The following REEP5 variants were observed in gnomAD, a reference collection of about 807,000 sequenced individuals.
REEP5 encodes the protein receptor expression-enhancing protein 5.
REEP5 carries 24 observed loss-of-function variants against 22.4 expected under a neutral mutation model. The ratio of observed to expected loss-of-function variants is 1.07; its 90% CI spans 0.78 to 1.51. REEP5 has a LOEUF of 1.51. Among genes scored for constraint, REEP5 ranks in the 40% most tolerant of loss-of-function variants. REEP5 has a pLI of 0.00. For synonymous variants in REEP5, 103 were observed against 88.6 expected (o/e 1.16, Z -0.92); for missense variants, 252 against 233.0 (o/e 1.08, Z -0.53).
intron 3 of REEP5, chr5:112,892,467 T>A: frequency 6.2e-7 from 1 of 1,614,148 alleles, no homozygotes; most frequent in Non-Finnish European, 8.5e-7. Context: ...GCAATGTATA[T>A]GTTCAGTACC....
intron 3 of REEP5, among the ~76,000 whole-genome samples, chr5:112,902,142 C>G (rs1452809182): frequency 6.6e-6 from 1 of 151,952 alleles, no homozygotes; most frequent in East Asian, 1.9e-4. Flanking sequence ...AAAAGAGTAG[C>G]CAGGTGCAGT....
rs1466487435 is a variant in REEP5, at chr5:112,909,310, T to TGAGA, written c.213-6793_213-6792insTCTC. Among the ~76,000 whole-genome samples the TGAGA allele has an allele frequency of 3.3e-5, 5 of 150,726 alleles. No individual in the cohort carries two copies. The South Asian group carries it at 1.1e-3, about 32-fold the overall frequency. ...ATATATGTAAAGCACTAAGAAAGTC[T>TGAGA]CAGTAAATACTCCCTTAACAGGTAT... On this transcript the variant is annotated intron_variant, in intron 2 of 4. Transcript: ENST00000379638.
intron 3 of REEP5, among the ~76,000 whole-genome samples, chr5:112,900,725 C>G (rs986892349): frequency 2.6e-5 from 4 of 152,092 alleles, no homozygotes; most frequent in Non-Finnish European, 5.9e-5. Flanking sequence ...CCAGAACTTA[C>G]TAGTACTAGC....
At chr5:112,912,586 T>C (rs1186329503) in intron 2 of REEP5, among the ~76,000 whole-genome samples, 2 of 152,210 alleles carry the variant, frequency 1.3e-5, no homozygotes, top group African/African-American at 2.4e-5. Flanking sequence ...TGGTAACTTA[T>C]GTTTAATAGC....
intron 3 of REEP5, among the ~76,000 whole-genome samples, chr5:112,901,165 C>T (rs1014613837): frequency 1.3e-5 from 2 of 152,046 alleles, no homozygotes; most frequent in African/African-American, 4.8e-5. Flanking sequence ...AGAAAAACAA[C>T]ACAATCAACT....
At chr5:112,887,304 T>C (rs1768287310) in intron 3 of REEP5, 121 bp from the exon 4 acceptor site, 2 of 922,268 alleles carry the variant, frequency 2.2e-6, no homozygotes, top group Non-Finnish European at 2.9e-6. Context: ...CCCAAAGGCA[T>C]TACCAGTGTT....
chr5:112,903,015 A>G (rs1002782737), intron 2 of REEP5, among the ~76,000 whole-genome samples: 1 of 152,222 alleles, frequency 6.6e-6, no homozygotes, highest in African/African-American at 2.4e-5. Context: ...ATTTTATAGT[A>G]AACGGGTGAA....
intron 4 of REEP5, among the ~76,000 whole-genome samples, chr5:112,883,202 A>G (rs1768130543): frequency 6.6e-6 from 1 of 152,230 alleles, no homozygotes; most frequent in South Asian, 2.1e-4. Flanking sequence ...TCTCCTTTGC[A>G]GGAAATTTCT....
intron 2 of REEP5, among the ~76,000 whole-genome samples, chr5:112,914,227 A>G (rs557565874): frequency 2.0e-5 from 3 of 150,884 alleles, no homozygotes; most frequent in African/African-American, 7.3e-5. Context: ...GGTTCAAGCA[A>G]TTCTCCTTCC....
intron 3 of REEP5, chr5:112,896,981 T>C (rs1768699460): frequency 6.6e-6 from 1 of 152,138 alleles, no homozygotes; most frequent in African/African-American, 2.4e-5. Flanking sequence ...AAACAGAGGA[T>C]ACAAAGATAT....
chr5:112,878,856 A>C (rs1423494292), intron 4 of REEP5, 21 bp from the exon 5 acceptor site: 1 of 1,613,932 alleles, frequency 6.2e-7, no homozygotes, highest in Non-Finnish European at 8.5e-7. Flanking sequence ...GTTAGGAGGG[A>C]AAGAAAAATA....
chr5:112,889,788 C>A (rs1356805526), intron 3 of REEP5, among the ~76,000 whole-genome samples: 1 of 149,534 alleles, frequency 6.7e-6, no homozygotes, highest in Non-Finnish European at 1.5e-5. Flanking sequence ...TTGAGACTAG[C>A]CTGTGTAACA....
chr5:112,891,517 AAAC>A, intron 3 of REEP5: 2 of 1,397,972 alleles, frequency 1.4e-6, no homozygotes, highest in Non-Finnish European at 2.0e-6. Context: ...TATGCAAACA[AAAC>A]AATACTAGAA....
chr5:112,918,562 T>C (rs931589837), intron 2 of REEP5, among the ~76,000 whole-genome samples: 9 of 152,170 alleles, frequency 5.9e-5, no homozygotes, highest in African/African-American at 2.2e-4. Flanking sequence ...GGAAGTAAAT[T>C]ACTGGCAATA....
At chr5:112,916,529 T>A (rs2150048489) in intron 2 of REEP5, among the ~76,000 whole-genome samples, 1 of 152,354 alleles carries the variant, frequency 6.6e-6, no homozygotes, top group East Asian at 1.9e-4. Context: ...ACACAGTCAA[T>A]GCCTATGTGT....
chr5:112,883,033 C>T (rs1351269887), intron 4 of REEP5, among the ~76,000 whole-genome samples: 1 of 152,226 alleles, frequency 6.6e-6, no homozygotes, highest in African/African-American at 2.4e-5. Flanking sequence ...AAGGACAGAG[C>T]TCCAACAATT....
chr5:112,921,429 T>A, intron 1 of REEP5, 173 bp from the exon 2 acceptor site: 1 of 655,204 alleles, frequency 1.5e-6, no homozygotes, highest in Non-Finnish European at 2.7e-6. Flanking sequence ...CGCTGGGCTA[T>A]GCCTTGAAGT....
At chr5:112,885,161 C>A in intron 4 of REEP5, 1 of 170,666 alleles carries the variant, frequency 5.9e-6, no homozygotes, top group South Asian at 1.2e-4. Context: ...CCCTGCTGCT[C>A]ATGGTGCCAG....
At chr5:112,912,769 T>C (rs153544) in intron 2 of REEP5, among the ~76,000 whole-genome samples, 85,483 of 152,056 alleles carry the variant, frequency 0.56, 26,660 homozygotes, top group African/African-American at 0.85. Context: ...GTAGGAATTC[T>C]TAGTAATTCA....
Sources: gnomAD v4.1 joint callset for allele counts (sites outside exome capture counted in the v4.1 genomes callset) on GRCh38, gnomAD v4.1.1 for gene constraint, MANE v1.5 for transcripts, NCBI Gene and HGNC (gene_info 2026-07-23, HGNC 2026-07-21) for gene names.